Variants in DOC2A observed in about 807,000 individuals in gnomAD.
The protein encoded by DOC2A is double C2 domain alpha, also known as double C2-like domain-containing protein alpha.
Under a neutral mutation model 40.6 loss-of-function variants are expected in DOC2A, and 28 were observed. That is an observed-to-expected ratio of 0.69 (90% CI 0.51 to 0.95). The LOEUF (loss-of-function observed/expected upper bound fraction) is 0.95, where lower values mean the gene tolerates loss of function less well. Among genes scored for constraint, DOC2A ranks in the 40% least tolerant of loss-of-function variants. The pLI, the probability that DOC2A is intolerant of heterozygous loss-of-function variation, is 0.00. For missense variants in DOC2A, 474 were observed against 552.5 expected, an observed-to-expected ratio of 0.86 and a Z score of 1.42; for synonymous variants, 241 against 236.9, an observed-to-expected ratio of 1.02 and a Z score of -0.16.
chr16:30,011,076 C>T, upstream of DOC2A: 1 of 664,464 alleles, frequency 1.5e-6, no homozygotes, highest in Non-Finnish European at 1.8e-6. Context: ...GCCGGCGCGG[C>T]GGCGGGGGAC....
rs1475824809 is a variant in DOC2A at position 30,010,036 on chromosome 16, G to A, written c.187C>T (p.Pro63Ser). The part of the protein sequence containing the change: ...PAHLVPLALA[P>S]PAALLGATTP... ...GTGGCCCCAAGGAGGGCTGCAGGGG[G>A]GGCCAGAGCCAGGGGGACCAGATGG... Residue 63 changes from proline to serine, a missense_variant, in exon 2 of 11, where the codon CCC (proline) becomes TCC (serine). Pro to Ser is a moderately conservative substitution (Grantham distance 74). Transcript: ENST00000350119. The surrounding 1 kb of genome is among the most constrained non-coding windows in gnomAD (Gnocchi z 4.2). 6 of 1,612,142 alleles carry A rather than the reference G, an allele frequency of 3.7e-6. No homozygotes were observed. The highest frequency in any genetic ancestry group is 3.3e-5 in the Admixed American group (2 of 60,018).
At chr16:30,011,146 T>A, upstream of DOC2A, 2 of 711,308 alleles carry the variant, frequency 2.8e-6, no homozygotes, top group Non-Finnish European at 3.5e-6. Context: ...CGGGGCCCGC[T>A]CGGGAGCGCA....
rs1013155790 is a variant in DOC2A, at chr16:30,006,908, C to T, written c.755G>A (p.Arg252His). ...GCTGAGACTCAGCAGGATGCGGCCACGCTCCTCCAGCAGCCCCTGCCCCTG... is the reference window on the plus strand; with the variant it reads ...GCTGAGACTCAGCAGGATGCGGCCATGCTCCTCCAGCAGCCCCTGCCCCTG... Reference protein sequence around the residue: ...AEQGQGLLEERGRILLSLSYS... With the variant: ...AEQGQGLLEEHGRILLSLSYS... Residue 252 changes from arginine (R) to histidine (H), a missense_variant, in exon 8 of 11, where the codon CGT becomes CAT. By Grantham distance (29) the Arg-to-His change is conservative. Transcript: ENST00000350119. The surrounding 1 kb of genome is among the most constrained non-coding windows in gnomAD (Gnocchi z 6.2). 14 of 1,613,072 alleles carry T rather than the reference C, an allele frequency of 8.7e-6. No individual in the cohort carries two copies. The highest frequency in any genetic ancestry group is 1.7e-4 in the Middle Eastern group (1 of 6,056).
intron 1 of DOC2A, among the ~76,000 whole-genome samples, chr16:30,017,830 T>A (rs1407816159): frequency 4.6e-5 from 7 of 151,542 alleles, no homozygotes; most frequent in African/African-American, 2.4e-5. Flanking sequence ...CTTGGTGGCA[T>A]GCGTCTGTAA....
chr16:30,009,934 A>T lies in DOC2A; in HGVS notation c.262+27T>A. ...CAAGCCTGGAGACCCCCACCAGCACATGGGGCCTCCAAGCCCCCAGACTCA... is the reference window on the plus strand; with the variant it reads ...CAAGCCTGGAGACCCCCACCAGCACTTGGGGCCTCCAAGCCCCCAGACTCA... On this transcript the variant is annotated intron_variant, in intron 2 of 10. Transcript: ENST00000350119. This position sits in a 1 kb window ranked among gnomAD's most constrained non-coding sequence, Gnocchi z 4.1. 1.2e-6 allele frequency: 2 copies of T among 1,606,146 alleles called. No individual in the cohort carries two copies. The highest frequency in any genetic ancestry group is 1.7e-6 in the Non-Finnish European group (2 of 1,177,536).
At chr16:30,012,896 C>T (rs1206445594), upstream of DOC2A, among the ~76,000 whole-genome samples, 1 of 151,834 alleles carries the variant, frequency 6.6e-6, no homozygotes, top group Non-Finnish European at 1.5e-5. Context: ...GAGGCTGAGG[C>T]AGGAGGATCG....
In DOC2A at chr16:30,010,997, A is replaced by G. The variant is rs1235776933; in HGVS notation, c.-108T>C. 2.0e-6 allele frequency: 2 copies of G among 991,196 alleles called. No individual in the cohort carries two copies. The highest frequency in any genetic ancestry group is 2.3e-4 in the East Asian group (2 of 8,822). The allele number at this position is 991,196 out of a possible 1,614,324, so 61.4% of individuals were successfully genotyped here. A position where few individuals can be genotyped will look rare whatever the true frequency, so the allele number is the denominator to read the frequency against. ...GGAGAGCGCGGAGTCGAGCTGTGCG[A>G]GCCGAGAGGGAGGGAGCGCCGAGAA... On this transcript the variant is annotated 5_prime_UTR_variant, in exon 1 of 11. Transcript: ENST00000350119. This position sits in a 1 kb window ranked among gnomAD's most constrained non-coding sequence, Gnocchi z 4.2.
At chr16:30,022,256 A>G (rs1467742760), upstream of DOC2A, among the ~76,000 whole-genome samples, 3 of 149,324 alleles carry the variant, frequency 2.0e-5, no homozygotes, top group Non-Finnish European at 4.5e-5. Flanking sequence ...CAAAAAAAAA[A>G]AAAAAAAAAA....
In DOC2A at chr16:30,010,685, G is replaced by T. The variant is rs900604681; in HGVS notation, c.-14+218C>A. On this transcript the variant is annotated intron_variant, in intron 1 of 10. Transcript: ENST00000350119. This position sits in a 1 kb window ranked among gnomAD's most constrained non-coding sequence, Gnocchi z 4.2. The stretch of plus-strand genomic sequence containing the variant: ...CCCCTCTAGGCTCCAACTGCCCACT[G>T]TCCCCTCATTCAGCCCCAGGACCTG... Among the ~76,000 whole-genome samples, 8 of 152,130 alleles carry T rather than the reference G, an allele frequency of 5.3e-5. No homozygotes were observed. In the South Asian group the frequency reaches 1.5e-3, roughly 28 times the overall value.
Position 30,007,200 on chromosome 16 carries a change from A to T in DOC2A, c.627T>A (p.Phe209Leu). Reference protein sequence around the residue: ...RRLKPSQKKHFNICLERQVPL... With the variant: ...RRLKPSQKKHLNICLERQVPL... ...GGACCTGGCGCTCGAGGCAGATGTTAAAATGCTTCTTCTGCGAAGGCTTGA... is the reference window on the plus strand; with the variant it reads ...GGACCTGGCGCTCGAGGCAGATGTTTAAATGCTTCTTCTGCGAAGGCTTGA... Residue 209 changes from phenylalanine (F) to leucine (L), a missense_variant, in exon 6 of 11, where the codon TTT becomes TTA. Phe to Leu is a conservative substitution (Grantham distance 22). Transcript: ENST00000350119. 1 of 1,614,022 alleles carries T rather than the reference A, an allele frequency of 6.2e-7. No homozygotes were observed. Among genetic ancestry groups the T allele is most frequent in the East Asian group, 2.2e-5 (1 of 44,872 alleles).
chr16:30,016,203 C>G (rs1241479710), upstream of DOC2A, among the ~76,000 whole-genome samples: 1 of 150,880 alleles, frequency 6.6e-6, no homozygotes. Flanking sequence ...TGCACACCAC[C>G]ATGCCTGGCT....
upstream of DOC2A, chr16:30,011,151 AGCGCACGCGAGC>A (rs1056401637): frequency 7.6e-6 from 5 of 656,376 alleles, no homozygotes; most frequent in Non-Finnish European, 9.5e-6. Flanking sequence ...CCCGCTCGGG[AGCGCACGCGAGC>A]GCGCACACAC....
In DOC2A at chr16:30,005,738, G is replaced by C; in HGVS notation, c.*448C>G. 1 of 508,848 alleles carries C rather than the reference G, an allele frequency of 2.0e-6. No homozygotes were observed. The highest frequency in any genetic ancestry group is 2.5e-5 in the South Asian group (1 of 40,488). 31.5% of individuals were successfully genotyped at this position (508,848 alleles called of 1,614,324 possible). ...TGGCCACCTCTTTAAAAGGGCAGCTGTACAGGGCTAGGTTTTTTCAATGAA... is the reference window on the plus strand; with the variant it reads ...TGGCCACCTCTTTAAAAGGGCAGCTCTACAGGGCTAGGTTTTTTCAATGAA... On this transcript the variant is annotated 3_prime_UTR_variant, in exon 11 of 11. Transcript: ENST00000350119.
chr16:30,016,031 A>ATATATATATATT (rs2070850615), upstream of DOC2A, among the ~76,000 whole-genome samples: 1 of 56,880 alleles, frequency 1.8e-5, no homozygotes, highest in African/African-American at 1.2e-4. Context: ...ATATATATAT[A>ATATATATATATT]TATATATATA....
upstream of DOC2A, among the ~76,000 whole-genome samples, chr16:30,016,796 C>A (rs1178563199): frequency 1.3e-5 from 2 of 152,200 alleles, no homozygotes; most frequent in Non-Finnish European, 2.9e-5. Flanking sequence ...TGAGCTGTGA[C>A]TTCACAGCCT....
At position 30,006,458 on chromosome 16, in the gene DOC2A, C is replaced by G; in HGVS notation, c.1012G>C (p.Val338Leu). Residue 338 changes from valine (V) to leucine (L), a missense_variant, in exon 10 of 11, where the codon GTC (valine) becomes CTC (leucine). By Grantham distance (32) the Val-to-Leu change is conservative. Transcript: ENST00000350119. This position sits in a 1 kb window ranked among gnomAD's most constrained non-coding sequence, Gnocchi z 6.2. ...LSTLATKTLE[V>L]TVWDYDIGKS... ...CCAATGTCATAGTCCCAGACGGTGA[C>G]TTCCAGGGTCTTGGTGGCCAGAGTG... 1 of 1,613,794 alleles carries G rather than the reference C, an allele frequency of 6.2e-7. No homozygotes were observed. The highest frequency in any genetic ancestry group is 8.5e-7 in the Non-Finnish European group (1 of 1,179,938).
upstream of DOC2A, among the ~76,000 whole-genome samples, chr16:30,016,034 TATATATATATATATATA>T (rs2070850741): frequency 1.6e-5 from 1 of 61,004 alleles, no homozygotes; most frequent in African/African-American, 1.0e-4. Context: ...TATATATATA[TATATATATATATATATA>T]TATATTTTTT....
chr16:30,009,661 G>A lies in DOC2A; in HGVS notation c.263-104C>T, dbSNP rs1013844106. 106 of 1,125,412 alleles carry A rather than the reference G, an allele frequency of 9.4e-5. No individual in the cohort carries two copies. Among genetic ancestry groups the A allele is most frequent in the Admixed American group, 1.2e-4 (6 of 50,496 alleles). 69.7% of individuals were successfully genotyped at this position (1,125,412 alleles called of 1,614,324 possible). On this transcript the variant is annotated intron_variant, in intron 2 of 10. Coordinates refer to ENST00000350119, the MANE Select transcript of DOC2A (RefSeq NM_003586.3). This position sits in a 1 kb window ranked among gnomAD's most constrained non-coding sequence, Gnocchi z 4.1. ...GTGTGTCTCTCTCTCTTGCCAGCCC[G>A]CGAGTGTGAGTGCAAGAGGCTGAGT...
upstream of DOC2A, chr16:30,015,214 C>T (rs985880240): frequency 4.6e-5 from 7 of 152,288 alleles, no homozygotes; most frequent in South Asian, 2.1e-4. Context: ...TACTTTTCAA[C>T]GTACATCCTT....
Sources: gnomAD v4.1 joint callset for allele counts (sites outside exome capture counted in the v4.1 genomes callset) on GRCh38, gnomAD v4.1.1 for gene constraint, Gnocchi (gnomAD v3.1) non-coding constraint, MANE v1.5 for transcripts, NCBI Gene and HGNC (gene_info 2026-07-23, HGNC 2026-07-21) for gene names.